Variants in OPCML observed in about 807,000 individuals in gnomAD.
OPCML encodes the protein opioid binding protein/cell adhesion molecule like, also known as opioid-binding protein/cell adhesion molecule.
Under a neutral mutation model 37.8 loss-of-function variants are expected in OPCML, and 13 were observed. The observed-to-expected ratio is 0.34, with a 90% confidence interval of 0.22 to 0.55. The LOEUF (loss-of-function observed/expected upper bound fraction) is 0.55, where lower values mean the gene tolerates loss of function less well. OPCML is among the 20% of genes least tolerant of loss of function. The pLI, the probability that OPCML is intolerant of heterozygous loss-of-function variation, is 0.91. For synonymous variants in OPCML, 176 were observed against 168.8 expected, an observed-to-expected ratio of 1.04 and a Z score of -0.33; for missense variants, 341 against 435.6, an observed-to-expected ratio of 0.78 and a Z score of 1.93.
rs543855881 is a variant in OPCML at position 133,007,155 on chromosome 11, G to A, written c.62-64145C>T. On this transcript the variant is annotated intron_variant, in intron 1 of 7. Transcript: ENST00000524381. ...TTATCAGGCAGCCTTACAGGTACAT[G>A]CCCACAGATTGTGGCCTTGGGGACT... The A allele has an allele frequency of 5.0e-5, 49 of 985,376 alleles. No homozygotes were observed. The Middle Eastern group carries it at 2.1e-3, about 42-fold the overall frequency. The allele number at this position is 985,376 out of a possible 1,614,324, so 61.0% of individuals were successfully genotyped here.
chr11:133,285,613 A>G (rs1236953468), intron 1 of OPCML, among the ~76,000 whole-genome samples: 1 of 152,220 alleles, frequency 6.6e-6, no homozygotes, highest in Non-Finnish European at 1.5e-5. Context: ...AAGGAGTGCT[A>G]CGTCTCCAAT....
intron 1 of OPCML, among the ~76,000 whole-genome samples, chr11:133,123,859 G>A (rs1952714637): frequency 6.6e-6 from 1 of 152,054 alleles, no homozygotes; most frequent in African/African-American, 2.4e-5. Context: ...AACGTTCCAT[G>A]TCATCTGAGG....
At chr11:132,427,795 A>T (rs2095982589) in intron 7 of OPCML, among the ~76,000 whole-genome samples, 1 of 152,236 alleles carries the variant, frequency 6.6e-6, no homozygotes, top group Non-Finnish European at 1.5e-5. Flanking sequence ...GCCAGATGTC[A>T]ATGATTCAGA....
At chr11:133,200,170 CT>C (rs1938710877) in intron 1 of OPCML, among the ~76,000 whole-genome samples, 1 of 152,280 alleles carries the variant, frequency 6.6e-6, no homozygotes, top group South Asian at 2.1e-4. Flanking sequence ...AACTTGAGAA[CT>C]TTTTCCCTGA....
At chr11:132,575,205 T>TA (rs917440024) in intron 3 of OPCML, among the ~76,000 whole-genome samples, 3 of 152,150 alleles carry the variant, frequency 2.0e-5, no homozygotes, top group South Asian at 2.1e-4. Context: ...CTGTTCTTTT[T>TA]AAAAAAATCC....
At chr11:133,292,052 C>CTAT (rs1410762322) in intron 1 of OPCML, among the ~76,000 whole-genome samples, 6 of 152,190 alleles carry the variant, frequency 3.9e-5, no homozygotes, top group Non-Finnish European at 8.8e-5. Context: ...TGAAGCAAAG[C>CTAT]AGAAGCTATA....
rs59367759 is a variant in OPCML, at chr11:133,064,565, C to G, written c.62-121555G>C. The G allele has an allele frequency of 2.0e-5, 3 of 152,380 alleles. No individual in the cohort carries two copies. The East Asian group carries it at 5.8e-4, about 30-fold the overall frequency. 9.4% of individuals were successfully genotyped at this position (152,380 alleles called of 1,614,324 possible). ...ACCTTGTGTGCTTGCCCTTTCCCCA[C>G]GGTAGACTGCCCCGGGAGGGGGACT... is the stretch of plus-strand genomic sequence containing the variant. On this transcript the variant is annotated intron_variant, in intron 1 of 7. Coordinates refer to ENST00000524381, the MANE Select transcript of OPCML (RefSeq NM_001012393.5).
intron 3 of OPCML, among the ~76,000 whole-genome samples, chr11:132,553,713 C>G (rs992784015): frequency 1.2e-4 from 18 of 152,266 alleles, no homozygotes; most frequent in African/African-American, 4.1e-4. Flanking sequence ...ATTCAGTTAT[C>G]TAGAATATTC....
intron 1 of OPCML, among the ~76,000 whole-genome samples, chr11:133,025,802 T>C (rs1029496626): frequency 5.4e-5 from 8 of 147,040 alleles, no homozygotes; most frequent in Non-Finnish European, 8.9e-5. Flanking sequence ...GGTGCGATCT[T>C]GGCTCACTGC....
chr11:133,099,935 G>T (rs376119809), intron 1 of OPCML, among the ~76,000 whole-genome samples: 3 of 152,068 alleles, frequency 2.0e-5, no homozygotes, highest in African/African-American at 7.3e-5. Context: ...GTCCATCAAT[G>T]GTGGACTGAA....
intron 1 of OPCML, among the ~76,000 whole-genome samples, chr11:133,481,414 A>G (rs1008773456): frequency 1.3e-5 from 2 of 151,934 alleles, no homozygotes. Context: ...AGTCTCTGCC[A>G]TTGTACCATA....
intron 1 of OPCML, among the ~76,000 whole-genome samples, chr11:133,388,625 G>A (rs769349512): frequency 1.3e-5 from 2 of 152,158 alleles, no homozygotes; most frequent in African/African-American, 2.4e-5. Context: ...GGAACCAGGA[G>A]GTAGGTTTCT....
At chr11:133,135,521 C>T (rs1161731711) in intron 1 of OPCML, among the ~76,000 whole-genome samples, 3 of 149,650 alleles carry the variant, frequency 2.0e-5, no homozygotes, top group Admixed American at 6.7e-5. Context: ...TTAGGAAATG[C>T]TCTGCTAAAC....
intron 2 of OPCML, among the ~76,000 whole-genome samples, chr11:132,700,682 G>A (rs961965481): frequency 2.0e-5 from 3 of 152,088 alleles, no homozygotes; most frequent in African/African-American, 7.2e-5. Context: ...AATTTGTTAA[G>A]ACTTATTTTG....
chr11:132,653,441 TC>T (rs1214892303), intron 3 of OPCML, among the ~76,000 whole-genome samples: 1 of 152,068 alleles, frequency 6.6e-6, no homozygotes, highest in Non-Finnish European at 1.5e-5. Flanking sequence ...AGGCTGATTT[TC>T]CCCCCAACTA....
chr11:133,189,975 C>T (rs905660907), intron 1 of OPCML, among the ~76,000 whole-genome samples: 13 of 152,306 alleles, frequency 8.5e-5, no homozygotes, highest in Non-Finnish European at 1.8e-4. Context: ...CCTTCCCTGG[C>T]GGGACCTGGT....
rs772369397 is a variant in OPCML, at chr11:133,191,504, G to GGGGT, written c.62-248495_62-248494insACCC. ...TATCTTTTTCTTTTCTGTGTGTGTG[G>GGGGT]GTGTGTGTGTGTGTGTGTGTGTGTG... On this transcript the variant is annotated intron_variant, in intron 1 of 7. Coordinates refer to ENST00000524381, the MANE Select transcript of OPCML (RefSeq NM_001012393.5). Among the ~76,000 whole-genome samples the GGGGT allele has an allele frequency of 9.6e-3, 1,365 of 142,446 alleles. 13 individuals are homozygous for GGGGT. Among genetic ancestry groups the GGGGT allele is most frequent in the African/African-American group, 0.034 (1,288 of 38,356 alleles). The allele number at this position is 142,446 out of a possible 152,430, so 93.5% of individuals were successfully genotyped here. A position where few individuals can be genotyped will look rare whatever the true frequency, so the allele number is the denominator to read the frequency against.
intron 1 of OPCML, among the ~76,000 whole-genome samples, chr11:133,451,835 T>A (rs12289454): frequency 0.078 from 11,674 of 149,660 alleles, 1,080 homozygotes; most frequent in African/African-American, 0.19. Context: ...AGAGCAAAAC[T>A]CCAACTAGAA....
intron 1 of OPCML, among the ~76,000 whole-genome samples, chr11:133,103,502 C>T (rs990548742): frequency 3.3e-5 from 5 of 152,102 alleles, no homozygotes; most frequent in African/African-American, 9.7e-5. Flanking sequence ...GAGGGCCAGG[C>T]ATGGAGGTGT....
Sources: allele counts gnomAD v4.1 joint callset (sites outside exome capture counted in the v4.1 genomes callset), GRCh38; gene constraint gnomAD v4.1.1; transcripts MANE v1.5; gene names NCBI Gene and HGNC (gene_info 2026-07-23, HGNC 2026-07-21).